Variants in GALNT7 observed in about 807,000 individuals in gnomAD.
GALNT7 encodes the protein N-acetylgalactosaminyltransferase 7.
GALNT7 carries 60 observed loss-of-function variants against 82.1 expected under a neutral mutation model. The observed-to-expected ratio is 0.73, with a 90% CI of 0.59 to 0.91. The LOEUF (loss-of-function observed/expected upper bound fraction) is 0.91. Among genes scored for constraint, GALNT7 ranks in the 40% least tolerant of loss-of-function variants. The pLI is 0.00. For missense variants in GALNT7, 660 were observed against 804.2 expected (o/e 0.82, Z 2.17); for synonymous variants, 243 against 275.1 (o/e 0.88, Z 1.15).
chr4:173,310,010 CTACCCAG>C (rs1420815584), intron 8 of GALNT7, among the ~76,000 whole-genome samples: 3 of 152,210 alleles, frequency 2.0e-5, no homozygotes, highest in African/African-American at 7.2e-5. Context: ...ACCATACAAA[CTACCCAG>C]TAAGTGTGAA....
chr4:173,228,456 A>G (rs1733910954), intron 1 of GALNT7, among the ~76,000 whole-genome samples: 3 of 151,860 alleles, frequency 2.0e-5, no homozygotes. Context: ...TATACTATTC[A>G]GTTGTGTTAA....
rs1477328976 is a variant in GALNT7, at chr4:173,321,698, A to G, written c.1955A>G (p.Asn652Ser). The G allele has an allele frequency of 1.2e-6, 2 of 1,607,590 alleles. No homozygotes were observed. Among genetic ancestry groups the G allele is most frequent in the South Asian group, 1.1e-5 (1 of 90,940 alleles). Residue 652 changes from asparagine (N) to serine (S), a missense_variant, in exon 12 of 12, where the codon AAT (asparagine) becomes AGT (serine). Coordinates refer to ENST00000265000, the MANE Select transcript of GALNT7 (RefSeq NM_017423.3). ...AAAACGACTCAAAAATGGGAAATGA[A>G]TAACATCCATAGTGTTTAGAGAGAA... ...SSKTTQKWEM[N>S]NIHSV
At chr4:173,266,870 T>G (rs796574449) in intron 2 of GALNT7, among the ~76,000 whole-genome samples, 1,844 of 39,260 alleles carry the variant, frequency 0.047, 30 homozygotes, top group Middle Eastern at 0.068. Context: ...CTGGGAAGGG[T>G]GTGTGTGTGT....
At chr4:173,283,602 A>G (rs868829423) in intron 2 of GALNT7, among the ~76,000 whole-genome samples, 5 of 149,104 alleles carry the variant, frequency 3.4e-5, no homozygotes, top group African/African-American at 1.2e-4. Flanking sequence ...ATGCCACTGC[A>G]CTCGGCCTGG....
intron 1 of GALNT7, among the ~76,000 whole-genome samples, chr4:173,234,063 C>T (rs906234776): frequency 2.0e-5 from 3 of 152,204 alleles, no homozygotes; most frequent in African/African-American, 7.2e-5. Flanking sequence ...TTCAACTTCA[C>T]GTTACCAAAT....
chr4:173,280,335 GT>G (rs891363978), intron 2 of GALNT7, among the ~76,000 whole-genome samples: 3 of 152,150 alleles, frequency 2.0e-5, no homozygotes, highest in African/African-American at 7.2e-5. Flanking sequence ...ATATAACAAG[GT>G]TTTATATTAA....
intron 2 of GALNT7, among the ~76,000 whole-genome samples, chr4:173,277,888 A>G (rs1416716063): frequency 6.6e-6 from 1 of 152,214 alleles, no homozygotes; most frequent in Non-Finnish European, 1.5e-5. Flanking sequence ...TTAAGAGTGC[A>G]CTAGATTTGT....
intron 1 of GALNT7, among the ~76,000 whole-genome samples, chr4:173,193,043 G>T (rs1347329535): frequency 6.6e-6 from 1 of 152,286 alleles, no homozygotes; most frequent in Non-Finnish European, 1.5e-5. Context: ...GTTTGCCAAG[G>T]AAGCCAGTCT....
At chr4:173,239,493 A>AT (rs1193441339) in intron 1 of GALNT7, among the ~76,000 whole-genome samples, 1 of 152,346 alleles carries the variant, frequency 6.6e-6, no homozygotes, top group Admixed American at 6.5e-5. Context: ...TACTAAGGCA[A>AT]TACAGAAGTG....
At chr4:173,259,623 A>G (rs1317046324) in intron 2 of GALNT7, among the ~76,000 whole-genome samples, 2 of 151,528 alleles carry the variant, frequency 1.3e-5, no homozygotes. Context: ...TCTTATTTCC[A>G]TTACTTGGTT....
intron 1 of GALNT7, among the ~76,000 whole-genome samples, chr4:173,173,702 T>G (rs187668514): frequency 6.6e-6 from 1 of 152,302 alleles, no homozygotes; most frequent in Admixed American, 6.5e-5. Context: ...AAACATTCAG[T>G]ACTGGTGAGA....
In GALNT7 at chr4:173,208,320, C is replaced by T. The variant is rs28419056; in HGVS notation, c.126+39359C>T. 2.9e-3 allele frequency among the ~76,000 whole-genome samples: 443 copies of T among 152,190 alleles called. 3 individuals carry two copies. Among genetic ancestry groups the T allele is most frequent in the African/African-American group, 0.01 (426 of 41,536 alleles). On this transcript the variant is annotated intron_variant, in intron 1 of 11. Transcript: ENST00000265000. ...TTTAGCAATAGAAAATTTCTATGCACTTCTTGATAGAAAAGATGTGAATTT... is the reference window on the plus strand; with the variant it reads ...TTTAGCAATAGAAAATTTCTATGCATTTCTTGATAGAAAAGATGTGAATTT...
chr4:173,294,051 G>A (rs1220066869), intron 3 of GALNT7, among the ~76,000 whole-genome samples: 1 of 152,178 alleles, frequency 6.6e-6, no homozygotes, highest in Non-Finnish European at 1.5e-5. Context: ...GTACCACAGT[G>A]TGAAATACAA....
At chr4:173,178,052 T>TGTGTGTGTGTGTGTGTGCGCGCGCGCGC (rs563102408) in intron 1 of GALNT7, among the ~76,000 whole-genome samples, 3 of 129,502 alleles carry the variant, frequency 2.3e-5, no homozygotes, top group African/African-American at 9.2e-5. Context: ...TGTGTGTGTG[T>TGTGTGTGTGTGTGTGTGCGCGCGCGCGC]GCGCGCACGC....
At chr4:173,183,690 G>A (rs1014728546) in intron 1 of GALNT7, among the ~76,000 whole-genome samples, 3 of 151,798 alleles carry the variant, frequency 2.0e-5, no homozygotes, top group African/African-American at 4.8e-5. Flanking sequence ...GGGGCGGCCG[G>A]GCAGAAGCGC....
At chr4:173,287,237 T>G (rs1303307945) in intron 2 of GALNT7, among the ~76,000 whole-genome samples, 1 of 152,238 alleles carries the variant, frequency 6.6e-6, no homozygotes, top group Non-Finnish European at 1.5e-5. Context: ...ATATACACAT[T>G]TGAAAGAGTT....
At chr4:173,250,456 A>G (rs1002067084) in intron 2 of GALNT7, among the ~76,000 whole-genome samples, 1 of 152,076 alleles carries the variant, frequency 6.6e-6, no homozygotes, top group African/African-American at 2.4e-5. Context: ...TTCACCCCTC[A>G]CATCCAGTCC....
chr4:173,258,810 T>C (rs535754113), intron 2 of GALNT7, among the ~76,000 whole-genome samples: 1 of 152,316 alleles, frequency 6.6e-6, no homozygotes, highest in South Asian at 2.1e-4. Context: ...AGAGGTTGTG[T>C]TCCAGTTTGC....
rs1737875194 is a variant in GALNT7 at position 173,322,953 on chromosome 4, A to C, written c.*1236A>C. 1 of 152,284 alleles carries C rather than the reference A, an allele frequency of 6.6e-6. No individual in the cohort carries two copies. The highest frequency in any genetic ancestry group is 1.9e-4 in the East Asian group (1 of 5,196). 9.4% of individuals were successfully genotyped at this position (152,284 alleles called of 1,614,324 possible). A position where few individuals can be genotyped will look rare whatever the true frequency, so the allele number is the denominator to read the frequency against. The stretch of plus-strand genomic sequence containing the variant: ...CCCTAGTGTTTCTTAATTTCTTTTT[A>C]GAAAGTGTATTTTTATTAGTATTTT... On this transcript the variant is annotated 3_prime_UTR_variant, in exon 12 of 12. Transcript: ENST00000265000.
Sources: allele counts gnomAD v4.1 joint callset (sites outside exome capture counted in the v4.1 genomes callset), GRCh38; gene constraint gnomAD v4.1.1; transcripts MANE v1.5; gene names NCBI Gene and HGNC (gene_info 2026-07-23, HGNC 2026-07-21).